USP22: variants seen among roughly 807,000 people sequenced by gnomAD.
The protein encoded by USP22 is ubiquitin carboxyl-terminal hydrolase 22.
A neutral mutation model predicts 68.1 loss-of-function variants in USP22; 22 were observed. The ratio of observed to expected loss-of-function variants is 0.32; its 90% CI spans 0.23 to 0.46. USP22 has a LOEUF of 0.46. USP22 is among the 20% of genes least tolerant of loss of function. USP22 has a pLI of 1.00. For missense variants in USP22, 433 were observed against 695.8 expected (o/e 0.62, Z 4.25); for synonymous variants, 279 against 274.2 (o/e 1.02, Z -0.17).
chr17:21,031,951 T>C (rs895055535), intron 1 of USP22, among the ~76,000 whole-genome samples: 1 of 152,256 alleles, frequency 6.6e-6, no homozygotes, highest in Non-Finnish European at 1.5e-5. Context: ...AACAGCTGTC[T>C]CTGACATACT....
chr17:21,043,299 A>ACCCCCCCTCCCCG (rs1567596606), upstream of USP22: 1 of 11,524 alleles, frequency 8.7e-5, no homozygotes, highest in Non-Finnish European at 1.5e-4. Flanking sequence ...GTAGTAGGCC[A>ACCCCCCCTCCCCG]CCCCCCCCCC....
chr17:21,009,735 A>C (rs1179504871), intron 8 of USP22, among the ~76,000 whole-genome samples: 1 of 152,192 alleles, frequency 6.6e-6, no homozygotes, highest in Non-Finnish European at 1.5e-5. Context: ...CAGGCGGATC[A>C]CCTAAGGTCA....
At chr17:21,019,800 G>T (rs552404367) in intron 3 of USP22, among the ~76,000 whole-genome samples, 1 of 152,354 alleles carries the variant, frequency 6.6e-6, no homozygotes, top group Admixed American at 6.5e-5. Flanking sequence ...CAGCATGTTG[G>T]ATAGACAGAA....
chr17:21,035,989 C>G (rs1213625231), intron 1 of USP22, among the ~76,000 whole-genome samples: 3 of 138,264 alleles, frequency 2.2e-5, no homozygotes, highest in Non-Finnish European at 4.5e-5. Flanking sequence ...CGAGATCGCA[C>G]CACTGCACTC....
intron 1 of USP22, among the ~76,000 whole-genome samples, chr17:21,030,159 TC>T (rs1367217173): frequency 6.6e-6 from 1 of 152,164 alleles, no homozygotes; most frequent in Non-Finnish European, 1.5e-5. Context: ...ATGCACATCC[TC>T]CCATAAACTT....
chr17:21,012,720 T>C (rs1914008877), intron 7 of USP22, 110 bp downstream of exon 7: 18 of 989,258 alleles, frequency 1.8e-5, no homozygotes, highest in Non-Finnish European at 2.6e-5. Context: ...ATCATTTATC[T>C]CATAGCCTCC....
At chr17:21,042,642 G>A (rs1972454633) in intron 1 of USP22, 23 bp downstream of exon 1, 3 of 1,259,992 alleles carry the variant, frequency 2.4e-6, no homozygotes, top group East Asian at 3.1e-5. Context: ...CGAGCCCGCC[G>A]CGCGGTGGGC....
chr17:21,005,130 C>T (rs1913739767), intron 10 of USP22, 140 bp from the exon 11 acceptor site: 2 of 988,434 alleles, frequency 2.0e-6, no homozygotes, highest in Non-Finnish European at 3.0e-6. Context: ...AGGCAGAAAT[C>T]TCCCCATGTT....
Position 21,019,191 on chromosome 17 carries a change from C to G in USP22, c.419-6G>C, listed in dbSNP as rs933082439. 5.6e-6 allele frequency: 9 copies of G among 1,613,530 alleles called. No individual in the cohort carries two copies. In the South Asian group the frequency reaches 8.8e-5, roughly 16 times the overall value. On this transcript the variant is annotated splice_polypyrimidine_tract_variant and splice_region_variant and intron_variant, in intron 3 of 12. Coordinates refer to ENST00000261497, the MANE Select transcript of USP22 (RefSeq NM_015276.2). ...TGAAAACTTCTCTCCAACGCCTAAG[C>G]AGATGAAGGACAGTTCCAAGCGCTA...
In USP22 at chr17:21,042,685, C is replaced by A; in HGVS notation, c.151G>T (p.Ala51Ser). 7.4e-7 allele frequency: 1 copy of A among 1,346,978 alleles called. No homozygotes were observed. The highest frequency in any genetic ancestry group is 1.7e-5 in the South Asian group (1 of 57,356). The allele number at this position is 1,346,978 out of a possible 1,614,324, so 83.4% of individuals were successfully genotyped here. A position where few individuals can be genotyped will look rare whatever the true frequency, so the allele number is the denominator to read the frequency against. Residue 51 changes from alanine to serine, a missense_variant, in exon 1 of 13, where the codon GCT (alanine) becomes TCT (serine). Ala to Ser is a moderately conservative substitution (Grantham distance 99). Coordinates refer to ENST00000261497, the MANE Select transcript of USP22 (RefSeq NM_015276.2). ...CGCACCTTGCGCTTGCGGGCCTCAGCCGTGCCGCTCCACACGAAGCACTGG... is the reference window on the plus strand; with the variant it reads ...CGCACCTTGCGCTTGCGGGCCTCAGACGTGCCGCTCCACACGAAGCACTGG... ...IYQCFVWSGTAEARKRKAKSC... is the reference protein window; with the variant it reads ...IYQCFVWSGTSEARKRKAKSC...
intron 6 of USP22, 126 bp downstream of exon 6, chr17:21,015,626 T>C: frequency 7.6e-7 from 1 of 1,311,218 alleles, no homozygotes; most frequent in South Asian, 1.6e-5. Context: ...ACAAGGGCTA[T>C]GATGACAAAA....
chr17:21,016,777 G>C (rs1972088226), intron 5 of USP22, among the ~76,000 whole-genome samples: 1 of 152,200 alleles, frequency 6.6e-6, no homozygotes, highest in Non-Finnish European at 1.5e-5. Flanking sequence ...TGGGGACTGG[G>C]GGTTGACTTC....
In USP22 at chr17:21,037,631, C is replaced by T. The variant is rs113851642; in HGVS notation, c.171+5034G>A. Among the ~76,000 whole-genome samples, 63 of 152,336 alleles carry T rather than the reference C, an allele frequency of 4.1e-4. 1 individual carries two copies. Among genetic ancestry groups the T allele is most frequent in the African/African-American group, 1.4e-3 (59 of 41,570 alleles). On this transcript the variant is annotated intron_variant, in intron 1 of 12. Transcript: ENST00000261497. The stretch of plus-strand genomic sequence containing the variant: ...TCACCAAACAGGACAGCCTGAGAAA[C>T]TGTCACTGTCTAGAAGAGCCCAAGA...
At chr17:21,005,085 A>C (rs1597687024) in intron 10 of USP22, 95 bp from the exon 11 acceptor site, 2 of 1,385,534 alleles carry the variant, frequency 1.4e-6, no homozygotes, top group Non-Finnish European at 2.0e-6. Flanking sequence ...AAGCTTGACC[A>C]TGCAGATGCT....
At chr17:21,029,016 T>C (rs1972256765) in intron 1 of USP22, among the ~76,000 whole-genome samples, 1 of 152,172 alleles carries the variant, frequency 6.6e-6, no homozygotes, top group Admixed American at 6.5e-5. Flanking sequence ...AACTCACACC[T>C]AGTCACCCTT....
chr17:21,001,372 A>T lies in USP22; in HGVS notation c.*1659T>A, dbSNP rs772929165. The stretch of plus-strand genomic sequence containing the variant: ...ACTGTCACTACCCCCTCCCCAGCCC[A>T]GCCAGCTAAGGAGCTGGGTCTGGTC... On this transcript the variant is annotated 3_prime_UTR_variant, in exon 13 of 13. Coordinates refer to ENST00000261497, the MANE Select transcript of USP22 (RefSeq NM_015276.2). 1 of 152,204 alleles carries T rather than the reference A, an allele frequency of 6.6e-6. No individual in the cohort carries two copies. The highest frequency in any genetic ancestry group is 1.5e-5 in the Non-Finnish European group (1 of 68,038). 9.4% of individuals were successfully genotyped at this position (152,204 alleles called of 1,614,324 possible).
chr17:21,029,896 A>T (rs1352442882), intron 1 of USP22, among the ~76,000 whole-genome samples: 1 of 152,238 alleles, frequency 6.6e-6, no homozygotes, highest in Admixed American at 6.5e-5. Context: ...AGAACAAGGA[A>T]CAAATAAAAA....
At chr17:21,017,828 A>T in intron 5 of USP22, 114 bp downstream of exon 5, 2 of 1,303,896 alleles carry the variant, frequency 1.5e-6, no homozygotes, top group Non-Finnish European at 2.1e-6. Flanking sequence ...ACATTAACTT[A>T]CTACAAAAGG....
intron 10 of USP22, 83 bp downstream of exon 10, chr17:21,006,810 ATCT>A: frequency 1.7e-6 from 2 of 1,171,348 alleles, no homozygotes; most frequent in Non-Finnish European, 2.3e-6. Flanking sequence ...GCCAACAGTC[ATCT>A]TAATAGGAGC....
Sources: gnomAD v4.1 joint callset for allele counts (sites outside exome capture counted in the v4.1 genomes callset) on GRCh38, gnomAD v4.1.1 for gene constraint, MANE v1.5 for transcripts, NCBI Gene and HGNC (gene_info 2026-07-23, HGNC 2026-07-21) for gene names.